C1orf54: variants seen among roughly 807,000 people sequenced by gnomAD.
C1orf54 encodes the protein uncharacterized protein C1orf54.
Under a neutral mutation model 14.7 loss-of-function variants are expected in C1orf54, and 12 were observed. The ratio of observed to expected loss-of-function variants is 0.82; its 90% CI spans 0.52 to 1.32. C1orf54 has a LOEUF of 1.32. Ranked by LOEUF, C1orf54 falls within the 40% of genes most tolerant of loss-of-function variation. C1orf54 has a pLI of 0.00. For synonymous variants in C1orf54, 65 were observed against 56.3 expected (o/e 1.16, Z -0.70); for missense variants, 163 against 162.2 (o/e 1.00, Z -0.03).
At chr1:150,276,267 C>G (rs587651946) in intron 3 of C1orf54, among the ~76,000 whole-genome samples, 7 of 152,236 alleles carry the variant, frequency 4.6e-5, no homozygotes, top group Middle Eastern at 3.4e-3. Flanking sequence ...GTTAACCTAT[C>G]TGGGGAGGAG....
chr1:150,279,850 C>G, intron 5 of C1orf54, 109 bp downstream of exon 5: 1 of 951,382 alleles, frequency 1.1e-6, no homozygotes, highest in East Asian at 2.6e-5. Flanking sequence ...TGTTTCCAGC[C>G]TGGTCAATTA....
intron 5 of C1orf54, 38 bp from the exon 6 acceptor site, chr1:150,280,797 T>C: frequency 6.5e-7 from 1 of 1,526,938 alleles, no homozygotes; most frequent in Non-Finnish European, 8.9e-7. Flanking sequence ...TCGGGTCTCC[T>C]GACTCCTTTT....
chr1:150,268,767 C>A, upstream of C1orf54: 1 of 1,613,806 alleles, frequency 6.2e-7, no homozygotes, highest in Non-Finnish European at 8.5e-7. Context: ...GAAGGCCGGG[C>A]CGAACGCGAC....
intron 2 of C1orf54, among the ~76,000 whole-genome samples, chr1:150,274,641 A>C (rs1344812771): frequency 1.4e-5 from 2 of 142,680 alleles, no homozygotes; most frequent in Non-Finnish European, 3.0e-5. Flanking sequence ...GGCTGGGCGC[A>C]GTGACTCATG....
chr1:150,272,848 G>A lies in C1orf54; in HGVS notation c.31G>A (p.Val11Met), dbSNP rs782268473. 2 of 1,614,050 alleles carry A rather than the reference G, an allele frequency of 1.2e-6. No individual in the cohort carries two copies. Among genetic ancestry groups the A allele is most frequent in the African/African-American group, 2.7e-5 (2 of 74,916 alleles). The change falls in exon 1 of 6, where the codon GTG becomes ATG. Residue 11 changes from valine to methionine, a missense_variant. Transcript: ENST00000369099. Reference sequence around the variant, plus strand: ...TGTCCTCTTTGTAGCCATCTTTGCTGTGCCACTTATCCTGGGTAAGTCCAC... The same window carrying A: ...TGTCCTCTTTGTAGCCATCTTTGCTATGCCACTTATCCTGGGTAAGTCCAC... MDVLFVAIFAVPLILGQEYED... is the reference protein window; with the variant it reads MDVLFVAIFAMPLILGQEYED...
intron 5 of C1orf54, among the ~76,000 whole-genome samples, chr1:150,280,424 G>A (rs782698235): frequency 4.6e-5 from 7 of 152,226 alleles, no homozygotes; most frequent in Non-Finnish European, 8.8e-5. Context: ...CAAAATGTCT[G>A]AACAATCAAA....
At chr1:150,270,632 G>A (rs947150753), upstream of C1orf54, among the ~76,000 whole-genome samples, 64 of 151,970 alleles carry the variant, frequency 4.2e-4, no homozygotes, top group African/African-American at 1.4e-3. Context: ...GACAGAGCAA[G>A]ACTCTGTCTC....
chr1:150,269,015 A>G (rs2101856985), upstream of C1orf54: 1 of 528,210 alleles, frequency 1.9e-6, no homozygotes, highest in African/African-American at 1.9e-5. Context: ...GAAGCCGAAG[A>G]GGGGACAAAT....
At chr1:150,280,540 C>A (rs996671697) in intron 5 of C1orf54, among the ~76,000 whole-genome samples, 2 of 152,130 alleles carry the variant, frequency 1.3e-5, no homozygotes, top group South Asian at 2.1e-4. Flanking sequence ...AGAGGCAGAA[C>A]GGATGGCGGT....
chr1:150,277,499 T>TCCAAA (rs1235256110), intron 4 of C1orf54, among the ~76,000 whole-genome samples: 1 of 107,016 alleles, frequency 9.3e-6, no homozygotes, highest in Non-Finnish European at 1.8e-5. Flanking sequence ...TGAGACTCTA[T>TCCAAA]ACTAAAAAAA....
intron 1 of C1orf54, 149 bp downstream of exon 1, chr1:150,273,012 A>T: frequency 2.3e-6 from 2 of 883,900 alleles, no homozygotes; most frequent in South Asian, 3.1e-5. Flanking sequence ...TTGAGGGCAG[A>T]ATGGAGATCT....
intron 5 of C1orf54, 88 bp from the exon 6 acceptor site, chr1:150,280,747 G>A: frequency 9.7e-7 from 1 of 1,033,638 alleles, no homozygotes; most frequent in Non-Finnish European, 1.4e-6. Flanking sequence ...CAGAATATCT[G>A]GGGAGTTTCC....
chr1:150,276,648 A>T lies in C1orf54; in HGVS notation c.300+16A>T. On this transcript the variant is annotated intron_variant, in intron 4 of 5. Coordinates refer to ENST00000369099, the MANE Select transcript of C1orf54 (RefSeq NM_024579.4). The stretch of plus-strand genomic sequence containing the variant: ...AACGGAACCTGTGAGTTGATTGGGG[A>T]TTGGGGGCTGGGGGGAGACAGGACA... 6.3e-7 allele frequency: 1 copy of T among 1,595,410 alleles called. No individual in the cohort carries two copies. The highest frequency in any genetic ancestry group is 8.6e-7 in the Non-Finnish European group (1 of 1,163,234).
At chr1:150,274,240 T>G (rs1190665992) in intron 2 of C1orf54, 70 bp downstream of exon 2, 2 of 1,202,156 alleles carry the variant, frequency 1.7e-6, no homozygotes, top group African/African-American at 3.0e-5. Flanking sequence ...TTCTGAGACT[T>G]TGCTCTTCAC....
upstream of C1orf54, among the ~76,000 whole-genome samples, chr1:150,271,467 C>T (rs918314744): frequency 6.6e-6 from 1 of 152,198 alleles, no homozygotes; most frequent in Non-Finnish European, 1.5e-5. Context: ...GGCTGTAAAC[C>T]TATCTTGTTC....
upstream of C1orf54, among the ~76,000 whole-genome samples, chr1:150,270,294 G>A (rs1652105172): frequency 6.6e-6 from 1 of 152,142 alleles, no homozygotes; most frequent in South Asian, 2.1e-4. Context: ...TCACATACAT[G>A]TTTTACATGT....
intron 4 of C1orf54, among the ~76,000 whole-genome samples, chr1:150,277,282 T>C (rs985128078): frequency 5.9e-5 from 9 of 151,856 alleles, no homozygotes; most frequent in Non-Finnish European, 1.3e-4. Context: ...TCGGATCACT[T>C]GAGGTCAGCA....
intron 4 of C1orf54, among the ~76,000 whole-genome samples, chr1:150,277,556 A>C (rs782516860): frequency 1.8e-4 from 27 of 146,950 alleles, no homozygotes; most frequent in Non-Finnish European, 3.8e-4. Flanking sequence ...GGAGGGGGGA[A>C]TAGAACAAGC....
chr1:150,268,990 G>A (rs1173418386), upstream of C1orf54: 4 of 566,162 alleles, frequency 7.1e-6, no homozygotes, highest in African/African-American at 5.7e-5. Flanking sequence ...GAAGGTCCGC[G>A]CCACTTCCTC....
Sources: allele counts gnomAD v4.1 joint callset (sites outside exome capture counted in the v4.1 genomes callset), GRCh38; gene constraint gnomAD v4.1.1; transcripts MANE v1.5; gene names NCBI Gene and HGNC (gene_info 2026-07-23, HGNC 2026-07-21).